SDK1: variants seen among roughly 807,000 people sequenced by gnomAD.
SDK1 encodes protein sidekick-1.
A neutral mutation model predicts 245.5 loss-of-function variants in SDK1; 157 were observed. The ratio of observed to expected loss-of-function variants is 0.64; its 90% CI spans 0.56 to 0.73. SDK1 has a LOEUF of 0.73. Among genes scored for constraint, SDK1 ranks in the 30% least tolerant of loss-of-function variants. The pLI is 0.00. For missense variants in SDK1, 3,583 were observed against 3,002.3 expected, an observed-to-expected ratio of 1.19 and a Z score of -4.52; for synonymous variants, 1,647 against 1,278.5, an observed-to-expected ratio of 1.29 and a Z score of -6.15.
At chr7:4,248,713 C>T (rs1017844785) in intron 44 of SDK1, among the ~76,000 whole-genome samples, 4 of 152,006 alleles carry the variant, frequency 2.6e-5, no homozygotes, top group African/African-American at 4.8e-5. Context: ...CATGTACACA[C>T]ACGCACACGC....
chr7:3,926,357 C>G (rs1448939710), intron 5 of SDK1, among the ~76,000 whole-genome samples: 1 of 152,244 alleles, frequency 6.6e-6, no homozygotes, highest in Non-Finnish European at 1.5e-5. Context: ...AGGCACCCAA[C>G]ATACCTTGAG....
chr7:3,798,782 A>C (rs1779032134), intron 4 of SDK1, among the ~76,000 whole-genome samples: 1 of 152,196 alleles, frequency 6.6e-6, no homozygotes, highest in Admixed American at 6.5e-5. Context: ...CCCTCCTACT[A>C]GAAGGAGAAG....
At chr7:3,467,359 T>C (rs1205615665) in intron 1 of SDK1, among the ~76,000 whole-genome samples, 1 of 152,052 alleles carries the variant, frequency 6.6e-6, no homozygotes, top group Non-Finnish European at 1.5e-5. Context: ...GCCCCACTCA[T>C]GAACATTAAA....
intron 19 of SDK1, among the ~76,000 whole-genome samples, chr7:4,061,331 G>C (rs1779525653): frequency 1.3e-5 from 2 of 152,052 alleles, no homozygotes; most frequent in Non-Finnish European, 2.9e-5. Context: ...GCAGTGGTTT[G>C]TAGTTCTCCT....
intron 4 of SDK1, among the ~76,000 whole-genome samples, chr7:3,694,090 C>G (rs922599544): frequency 6.6e-6 from 1 of 152,154 alleles, no homozygotes; most frequent in Non-Finnish European, 1.5e-5. Context: ...CTGTCTTGCC[C>G]AAAAGTGTGC....
chr7:3,444,164 G>C (rs1164046426), intron 1 of SDK1, among the ~76,000 whole-genome samples: 1 of 152,140 alleles, frequency 6.6e-6, no homozygotes, highest in South Asian at 2.1e-4. Flanking sequence ...TTATTTATAA[G>C]ACAGAGATGT....
chr7:3,540,339 A>G (rs575562408), intron 1 of SDK1, among the ~76,000 whole-genome samples: 59 of 152,348 alleles, frequency 3.9e-4, no homozygotes, highest in African/African-American at 1.4e-3. Context: ...CCTGGGAGGC[A>G]GAGGTTGCAG....
chr7:4,002,334 G>A (rs1785134192), intron 14 of SDK1, among the ~76,000 whole-genome samples: 1 of 152,138 alleles, frequency 6.6e-6, no homozygotes, highest in Non-Finnish European at 1.5e-5. Flanking sequence ...GAAATTCTTT[G>A]TTGTCTGGGC....
Position 4,268,204 on chromosome 7 carries a change from T to G in SDK1, c.*2820T>G. On this transcript the variant is annotated 3_prime_UTR_variant, in exon 45 of 45. Transcript: ENST00000404826. The stretch of plus-strand genomic sequence containing the variant: ...ACCCCCAACGTGGCTCATTTCAGAT[T>G]GCTTCGGCCCCACCCTGCAAGGATG... 2 of 987,674 alleles carry G rather than the reference T, an allele frequency of 2.0e-6. No individual in the cohort carries two copies. The highest frequency in any genetic ancestry group is 2.4e-6 in the Non-Finnish European group (2 of 831,388). 61.2% of individuals were successfully genotyped at this position (987,674 alleles called of 1,614,324 possible). A position where few individuals can be genotyped will look rare whatever the true frequency, so the allele number is the denominator to read the frequency against.
At chr7:3,922,670 T>C (rs897132637) in intron 5 of SDK1, among the ~76,000 whole-genome samples, 23 of 152,244 alleles carry the variant, frequency 1.5e-4, no homozygotes, top group African/African-American at 4.1e-4. Flanking sequence ...TGTTGTTTTA[T>C]CTGTCTGCAC....
intron 2 of SDK1, 127 bp downstream of exon 2, chr7:3,619,366 G>C (rs1337385273): frequency 1.5e-5 from 11 of 735,848 alleles, no homozygotes; most frequent in African/African-American, 3.5e-5. Flanking sequence ...CAAGATTAAA[G>C]GAATAGATTT....
intron 34 of SDK1, among the ~76,000 whole-genome samples, chr7:4,176,145 T>G (rs1361196952): frequency 6.6e-6 from 1 of 151,998 alleles, no homozygotes; most frequent in African/African-American, 2.4e-5. Context: ...GAAACACTCT[T>G]TTTTCTTTTC....
At position 3,370,483 on chromosome 7, in the gene SDK1, A is replaced by G. The variant is rs115130731; in HGVS notation, c.298+68599A>G. Among the ~76,000 whole-genome samples, 422 of 152,342 alleles carry G rather than the reference A, an allele frequency of 2.8e-3. 3 individuals are homozygous for G. The highest frequency in any genetic ancestry group is 9.6e-3 in the African/African-American group (401 of 41,584). On this transcript the variant is annotated intron_variant, in intron 1 of 44. Coordinates refer to ENST00000404826, the MANE Select transcript of SDK1 (RefSeq NM_152744.4). ...AGCAGCCTGTAATCTGAGTCCAACT[A>G]AAATGGTGGAAGATGATGTAATCAC...
chr7:3,663,306 G>A (rs1457414916), intron 4 of SDK1, among the ~76,000 whole-genome samples: 1 of 152,124 alleles, frequency 6.6e-6, no homozygotes, highest in Non-Finnish European at 1.5e-5. Flanking sequence ...TTTTCAAGTG[G>A]GATAATTGTA....
chr7:4,208,011 C>A (rs1784320398), intron 36 of SDK1, 88 bp from the exon 37 acceptor site: 3 of 970,076 alleles, frequency 3.1e-6, no homozygotes, highest in South Asian at 3.1e-5. Context: ...ACTCAGCTCA[C>A]CCCCTCGCTT....
At chr7:3,652,636 A>G (rs1443464120) in intron 4 of SDK1, among the ~76,000 whole-genome samples, 2 of 152,338 alleles carry the variant, frequency 1.3e-5, no homozygotes, top group South Asian at 2.1e-4. Context: ...TATCATTCAG[A>G]CAGTCAGAAG....
chr7:4,240,890 C>G (rs1240322231), intron 42 of SDK1, among the ~76,000 whole-genome samples: 2 of 152,154 alleles, frequency 1.3e-5, no homozygotes, highest in East Asian at 3.9e-4. Context: ...GGGGAGAAAC[C>G]CGTGTTAGGG....
intron 4 of SDK1, among the ~76,000 whole-genome samples, chr7:3,757,202 C>T (rs1355282763): frequency 6.6e-6 from 1 of 152,048 alleles, no homozygotes; most frequent in Non-Finnish European, 1.5e-5. Flanking sequence ...GACTTTGAAT[C>T]GGGGTTCCCA....
At chr7:3,941,272 C>G (rs1780358313) in intron 5 of SDK1, among the ~76,000 whole-genome samples, 1 of 152,150 alleles carries the variant, frequency 6.6e-6, no homozygotes, top group African/African-American at 2.4e-5. Flanking sequence ...TTTTCCCAAA[C>G]CGTGTGGTAG....
Sources: allele counts gnomAD v4.1 joint callset (sites outside exome capture counted in the v4.1 genomes callset), GRCh38; gene constraint gnomAD v4.1.1; transcripts MANE v1.5; gene names NCBI Gene and HGNC (gene_info 2026-07-23, HGNC 2026-07-21).